The following RBMS3 variants were observed in gnomAD, a reference collection of about 807,000 sequenced individuals.
The protein encoded by RBMS3 is RNA-binding motif, single-stranded-interacting protein 3.
Under a neutral mutation model 66.8 loss-of-function variants are expected in RBMS3, and 27 were observed. The ratio of observed to expected loss-of-function variants is 0.40; its 90% CI spans 0.30 to 0.56. RBMS3 has a LOEUF of 0.56. Among genes scored for constraint, RBMS3 ranks in the 20% least tolerant of loss-of-function variants. RBMS3 has a pLI of 0.40. For missense variants in RBMS3, 513 were observed against 549.5 expected (o/e 0.93, Z 0.66); for synonymous variants, 188 against 183.0 (o/e 1.03, Z -0.22).
chr3:29,754,992 C>G (rs2055344949), intron 5 of RBMS3, among the ~76,000 whole-genome samples: 1 of 152,272 alleles, frequency 6.6e-6, no homozygotes, highest in Middle Eastern at 3.4e-3. Flanking sequence ...TTGCATATCT[C>G]ACATAGTTGA....
At chr3:29,739,385 A>G (rs112135549) in intron 4 of RBMS3, among the ~76,000 whole-genome samples, 7,250 of 150,748 alleles carry the variant, frequency 0.048, 233 homozygotes, top group South Asian at 0.069. Context: ...GAACCCGGGA[A>G]GCAGAGCTTG....
chr3:29,781,643 A>C (rs1480521974), intron 6 of RBMS3, among the ~76,000 whole-genome samples: 1 of 152,076 alleles, frequency 6.6e-6, no homozygotes, highest in Non-Finnish European at 1.5e-5. Flanking sequence ...AAATTTTAAA[A>C]GTTGAAATTG....
chr3:29,308,756 CAA>C (rs6147747), intron 1 of RBMS3, among the ~76,000 whole-genome samples: 64,806 of 124,824 alleles, frequency 0.52, 15,504 homozygotes, highest in South Asian at 0.55. Context: ...CAAAAAAAAA[CAA>C]AAAAAAAAAC....
Position 29,723,671 on chromosome 3 carries a change from G to A in RBMS3, c.400-16049G>A, listed in dbSNP as rs543105244. On this transcript the variant is annotated intron_variant, in intron 4 of 14. Coordinates refer to ENST00000383767, the MANE Select transcript of RBMS3 (RefSeq NM_001003793.3). ...GAATCTGTTGCTGTTTCGAAGGTTGGGTGCCAGTTCTGCCTTAGTGATTCA... is the reference window on the plus strand; with the variant it reads ...GAATCTGTTGCTGTTTCGAAGGTTGAGTGCCAGTTCTGCCTTAGTGATTCA... Among the ~76,000 whole-genome samples the A allele has an allele frequency of 2.0e-5, 3 of 152,032 alleles. No individual in the cohort carries two copies. In the South Asian group the frequency reaches 6.2e-4, roughly 32 times the overall value.
chr3:29,710,005 C>T (rs1312826456), intron 4 of RBMS3, among the ~76,000 whole-genome samples: 1 of 152,144 alleles, frequency 6.6e-6, no homozygotes, highest in Non-Finnish European at 1.5e-5. Context: ...TTTCAGATGA[C>T]ATTCGTAACT....
At chr3:29,441,708 C>A (rs941660772) in intron 2 of RBMS3, among the ~76,000 whole-genome samples, 3 of 152,132 alleles carry the variant, frequency 2.0e-5, no homozygotes, top group Non-Finnish European at 4.4e-5. Context: ...CTCAAGTGTT[C>A]TGATTTAACC....
At position 29,649,802 on chromosome 3, in the gene RBMS3, T is replaced by C. The variant is rs147331915; in HGVS notation, c.399+62597T>C. Reference sequence around the variant, plus strand: ...TGTATATGCATATGTTCTCCAAAGATAAAATTTTAATGTACTAGTTAGTAT... The same window carrying C: ...TGTATATGCATATGTTCTCCAAAGACAAAATTTTAATGTACTAGTTAGTAT... On this transcript the variant is annotated intron_variant, in intron 4 of 14. Coordinates refer to ENST00000383767, the MANE Select transcript of RBMS3 (RefSeq NM_001003793.3). Among the ~76,000 whole-genome samples, 423 of 152,322 alleles carry C rather than the reference T, an allele frequency of 2.8e-3. 3 individuals are homozygous for C. Among genetic ancestry groups the C allele is most frequent in the African/African-American group, 9.9e-3 (413 of 41,572 alleles).
At chr3:29,900,732 T>A (rs2060232409) in intron 10 of RBMS3, among the ~76,000 whole-genome samples, 1 of 151,786 alleles carries the variant, frequency 6.6e-6, no homozygotes, top group Non-Finnish European at 1.5e-5. Context: ...AGATCACATG[T>A]AAAAGACAAT....
chr3:29,291,995 A>T (rs2032854431), intron 1 of RBMS3, among the ~76,000 whole-genome samples: 1 of 151,640 alleles, frequency 6.6e-6, no homozygotes, highest in South Asian at 2.1e-4. Flanking sequence ...TCAGGAAATA[A>T]TTTTTTCTCT....
At chr3:29,351,833 T>A (rs2036931071) in intron 1 of RBMS3, among the ~76,000 whole-genome samples, 1 of 148,558 alleles carries the variant, frequency 6.7e-6, no homozygotes, top group Non-Finnish European at 1.5e-5. Context: ...TTCTTCTAGA[T>A]TTTTTTTGTA....
chr3:29,799,441 A>T (rs1476451131), intron 6 of RBMS3, among the ~76,000 whole-genome samples: 3 of 152,212 alleles, frequency 2.0e-5, no homozygotes, highest in Non-Finnish European at 4.4e-5. Context: ...AACAAAATAC[A>T]CTATGGTAAT....
intron 6 of RBMS3, 38 bp from the exon 7 acceptor site, chr3:29,868,820 G>T (rs1259003064): frequency 1.3e-6 from 2 of 1,497,108 alleles, no homozygotes; most frequent in Non-Finnish European, 1.8e-6. Flanking sequence ...TTTTTAAGGG[G>T]GAGTTGTTAA....
intron 6 of RBMS3, among the ~76,000 whole-genome samples, chr3:29,841,534 A>G (rs1199250137): frequency 2.6e-5 from 4 of 152,048 alleles, no homozygotes; most frequent in Non-Finnish European, 5.9e-5. Context: ...TGACCAGTGT[A>G]GCTAGTTTAG....
chr3:29,803,322 A>C (rs940783051), intron 6 of RBMS3, among the ~76,000 whole-genome samples: 1 of 152,176 alleles, frequency 6.6e-6, no homozygotes, highest in Non-Finnish European at 1.5e-5. Flanking sequence ...TTTTAGATTG[A>C]AATTAAGTGG....
intron 4 of RBMS3, among the ~76,000 whole-genome samples, chr3:29,686,145 G>A (rs974004259): frequency 1.3e-5 from 2 of 152,006 alleles, no homozygotes; most frequent in Non-Finnish European, 2.9e-5. Context: ...AAGACTCTCT[G>A]GCCAACGTAG....
At chr3:29,344,861 T>C (rs983040784) in intron 1 of RBMS3, among the ~76,000 whole-genome samples, 2 of 152,192 alleles carry the variant, frequency 1.3e-5, no homozygotes, top group Non-Finnish European at 2.9e-5. Flanking sequence ...ATTTTCTCCA[T>C]AAGGAACTTC....
intron 1 of RBMS3, among the ~76,000 whole-genome samples, chr3:29,374,133 A>G: frequency 6.6e-6 from 1 of 152,234 alleles, no homozygotes; most frequent in East Asian, 1.9e-4. Flanking sequence ...ACTTTTCTCC[A>G]TCTGCATGTA....
intron 3 of RBMS3, among the ~76,000 whole-genome samples, chr3:29,570,633 ATGT>A (rs770787871): frequency 6.6e-6 from 1 of 152,114 alleles, no homozygotes; most frequent in Non-Finnish European, 1.5e-5. Context: ...AGTTTCATCC[ATGT>A]TGTTGCAAAT....
chr3:29,686,819 T>G (rs528828926), intron 4 of RBMS3, among the ~76,000 whole-genome samples: 61 of 152,354 alleles, frequency 4.0e-4, no homozygotes, highest in African/African-American at 1.4e-3. Flanking sequence ...AGGATATAAC[T>G]TAACAAATGT....
Sources: allele counts gnomAD v4.1 joint callset (sites outside exome capture counted in the v4.1 genomes callset), GRCh38; gene constraint gnomAD v4.1.1; transcripts MANE v1.5; gene names NCBI Gene and HGNC (gene_info 2026-07-23, HGNC 2026-07-21).